Variants in GRAMD1B observed in about 807,000 individuals in gnomAD.
The protein encoded by GRAMD1B is protein Aster-B.
In GRAMD1B, 37 loss-of-function variants were observed where a neutral mutation model predicts 99.7. The ratio of observed to expected loss-of-function variants is 0.37; its 90% CI spans 0.29 to 0.49. The LOEUF (loss-of-function observed/expected upper bound fraction) is 0.49, where lower values mean the gene tolerates loss of function less well. Among genes scored for constraint, GRAMD1B ranks in the 20% least tolerant of loss-of-function variants. The probability of loss-of-function intolerance (pLI) is 0.98; values close to 1 mark genes in which losing one functional copy is unlikely to be tolerated. For synonymous variants in GRAMD1B, 427 were observed against 387.6 expected, an observed-to-expected ratio of 1.10 and a Z score of -1.19; for missense variants, 888 against 1,009.2, an observed-to-expected ratio of 0.88 and a Z score of 1.63.
intron 1 of GRAMD1B, among the ~76,000 whole-genome samples, chr11:123,477,143 TTC>T (rs1176108136): frequency 6.6e-6 from 1 of 151,830 alleles, no homozygotes; most frequent in East Asian, 1.9e-4. Flanking sequence ...TCACATTTCT[TTC>T]TCTTTCTTTC....
chr11:123,368,679 CAAAA>C (rs58877377), intron 1 of GRAMD1B, among the ~76,000 whole-genome samples: 2 of 78,064 alleles, frequency 2.6e-5, no homozygotes, highest in Non-Finnish European at 4.4e-5. Context: ...GACTCTGTCT[CAAAA>C]AAAAAAAAAA....
At chr11:123,622,405 T>C (rs1955236215) in intron 19 of GRAMD1B, 101 bp from the exon 20 acceptor site, 1 of 713,208 alleles carries the variant, frequency 1.4e-6, no homozygotes, top group African/African-American at 1.8e-5. Context: ...CATGGCGTGG[T>C]TGGAGGCCTG....
chr11:123,517,123 T>C (rs1182247909), intron 2 of GRAMD1B, among the ~76,000 whole-genome samples: 1 of 152,220 alleles, frequency 6.6e-6, no homozygotes, highest in Admixed American at 6.5e-5. Context: ...TTTCACCATG[T>C]TGGCCAGGCT....
chr11:123,485,405 A>G (rs962194976), intron 2 of GRAMD1B, among the ~76,000 whole-genome samples: 2 of 152,184 alleles, frequency 1.3e-5, no homozygotes, highest in Non-Finnish European at 2.9e-5. Context: ...CAGTGGGTGG[A>G]ATACCTTAAT....
intron 1 of GRAMD1B, among the ~76,000 whole-genome samples, chr11:123,377,383 G>A (rs1237500640): frequency 6.6e-6 from 1 of 152,168 alleles, no homozygotes; most frequent in African/African-American, 2.4e-5. Context: ...GGTGGATAAA[G>A]CATCAGAGCA....
rs1239093259 is a variant in GRAMD1B, at chr11:123,587,174, G to A, written c.684+2842G>A. Among the ~76,000 whole-genome samples, 1 of 152,186 alleles carries A rather than the reference G, an allele frequency of 6.6e-6. No individual in the cohort carries two copies. The highest frequency in any genetic ancestry group is 1.9e-4 in the East Asian group (1 of 5,188). On this transcript the variant is annotated intron_variant, in intron 4 of 19. Coordinates refer to ENST00000635736, the MANE Select transcript of GRAMD1B (RefSeq NM_001387025.1). This position sits in a 1 kb window ranked among gnomAD's most constrained non-coding sequence, Gnocchi z 4.2. The stretch of plus-strand genomic sequence containing the variant: ...CATGACCAGCCAGGGAGGAGCCATT[G>A]CCATGATGACAGACATGCTTGGTCT...
At chr11:123,503,357 CAGA>C (rs1354375097) in intron 2 of GRAMD1B, among the ~76,000 whole-genome samples, 1 of 152,292 alleles carries the variant, frequency 6.6e-6, no homozygotes, top group East Asian at 1.9e-4. Flanking sequence ...GCTGCATAAC[CAGA>C]CCAGAGCTAG....
intron 1 of GRAMD1B, among the ~76,000 whole-genome samples, chr11:123,404,183 C>A (rs1483402702): frequency 2.6e-5 from 4 of 152,194 alleles, no homozygotes; most frequent in Admixed American, 6.5e-5. Flanking sequence ...ATGTTATATT[C>A]TCTCATTGAG....
At chr11:123,438,909 C>T (rs1480063772) in intron 1 of GRAMD1B, among the ~76,000 whole-genome samples, 1 of 152,146 alleles carries the variant, frequency 6.6e-6, no homozygotes, top group African/African-American at 2.4e-5. Context: ...AACTGCTGGC[C>T]CTGAAGCAGG....
chr11:123,599,237 G>A (rs571857239), intron 7 of GRAMD1B: 12 of 754,676 alleles, frequency 1.6e-5, no homozygotes, highest in Middle Eastern at 2.4e-4. Flanking sequence ...AAATGGCACC[G>A]AGCTCCTCCT....
Position 123,611,710 on chromosome 11 carries a change from G to A in GRAMD1B, c.1920-1051G>A, listed in dbSNP as rs556244259. Among the ~76,000 whole-genome samples, 64 of 152,304 alleles carry A rather than the reference G, an allele frequency of 4.2e-4. No homozygotes were observed. In the South Asian group the frequency reaches 0.012, roughly 30 times the overall value. On this transcript the variant is annotated intron_variant, in intron 14 of 19. Coordinates refer to ENST00000635736, the MANE Select transcript of GRAMD1B (RefSeq NM_001387025.1). ...GGTGAACTTGAACAGACCATTATAGGAAGGTGCCCATCCACGATGCAGTCA... is the reference window on the plus strand; with the variant it reads ...GGTGAACTTGAACAGACCATTATAGAAAGGTGCCCATCCACGATGCAGTCA...
At chr11:123,560,683 CGTGTGTGTGTGTGTGTGTGTGT>C (rs749623875) in intron 2 of GRAMD1B, 181 of 426,326 alleles carry the variant, frequency 4.2e-4, no homozygotes, top group South Asian at 1.7e-3. Flanking sequence ...ACGCCTGGTG[CGTGTGTGTGTGTGTGTGTGTGT>C]GTGTGTGTGT....
intron 19 of GRAMD1B, among the ~76,000 whole-genome samples, chr11:123,620,506 A>G (rs927543007): frequency 2.0e-4 from 31 of 151,410 alleles, no homozygotes; most frequent in African/African-American, 7.0e-4. Context: ...AGGGAAAAGA[A>G]TCTTAATGCA....
intron 1 of GRAMD1B, among the ~76,000 whole-genome samples, chr11:123,442,996 G>C (rs1001294124): frequency 6.6e-6 from 1 of 152,036 alleles, no homozygotes; most frequent in Non-Finnish European, 1.5e-5. Flanking sequence ...GTTTTGGTGG[G>C]TTTTAGCCGG....
chr11:123,489,231 G>A (rs902838731), intron 2 of GRAMD1B, among the ~76,000 whole-genome samples: 7 of 152,208 alleles, frequency 4.6e-5, no homozygotes, highest in African/African-American at 1.7e-4. Context: ...GGTCGAGGAC[G>A]AAGGATTTGA....
At chr11:123,570,782 G>A (rs1000832313) in intron 2 of GRAMD1B, among the ~76,000 whole-genome samples, 1 of 152,176 alleles carries the variant, frequency 6.6e-6, no homozygotes, top group African/African-American at 2.4e-5. Context: ...ACCAAGCACT[G>A]TGCTAAATAT....
At chr11:123,563,129 G>A (rs1247651434) in intron 2 of GRAMD1B, among the ~76,000 whole-genome samples, 1 of 152,218 alleles carries the variant, frequency 6.6e-6, no homozygotes, top group African/African-American at 2.4e-5. Flanking sequence ...GAGAAGGCAT[G>A]AGAGCCACGT....
At chr11:123,407,164 A>C (rs1947883138) in intron 1 of GRAMD1B, among the ~76,000 whole-genome samples, 1 of 152,226 alleles carries the variant, frequency 6.6e-6, no homozygotes, top group South Asian at 2.1e-4. Flanking sequence ...ACAAAATTTG[A>C]AGGCTTCTAC....
rs536386195 is a variant in GRAMD1B, at chr11:123,580,498, C to T, written c.663+2921C>T. Reference sequence around the variant, plus strand: ...TATTTTTTGGGCAAGCTGGCCAGTGCCTCTGCTTCTCCCTGGGGTCAGGTC... The same window carrying T: ...TATTTTTTGGGCAAGCTGGCCAGTGTCTCTGCTTCTCCCTGGGGTCAGGTC... On this transcript the variant is annotated intron_variant, in intron 3 of 19. Coordinates refer to ENST00000635736, the MANE Select transcript of GRAMD1B (RefSeq NM_001387025.1). Among the ~76,000 whole-genome samples the T allele has an allele frequency of 5.9e-5, 9 of 152,316 alleles. No homozygotes were observed. The South Asian group carries it at 1.9e-3, about 32-fold the overall frequency.
Sources: allele counts gnomAD v4.1 joint callset (sites outside exome capture counted in the v4.1 genomes callset), GRCh38; gene constraint gnomAD v4.1.1; non-coding constraint Gnocchi (gnomAD v3.1); transcripts MANE v1.5; gene names NCBI Gene and HGNC (gene_info 2026-07-23, HGNC 2026-07-21).